KCNN3: variants seen among roughly 807,000 people sequenced by gnomAD.
KCNN3 encodes potassium calcium-activated channel subfamily N member 3, also known as small conductance calcium-activated potassium channel protein 3.
In KCNN3, 16 loss-of-function variants were observed where a neutral mutation model predicts 62.9. The ratio of observed to expected loss-of-function variants is 0.25; its 90% CI spans 0.17 to 0.39. KCNN3 has a LOEUF of 0.39. Among genes scored for constraint, KCNN3 ranks in the 10% least tolerant of loss-of-function variants. The probability of loss-of-function intolerance (pLI) is 1.00; values close to 1 mark genes in which losing one functional copy is unlikely to be tolerated. For missense variants in KCNN3, 599 were observed against 949.4 expected, an observed-to-expected ratio of 0.63 and a Z score of 4.85; for synonymous variants, 370 against 389.2, an observed-to-expected ratio of 0.95 and a Z score of 0.58.
chr1:154,850,354 C>G (rs1232137789), intron 1 of KCNN3, among the ~76,000 whole-genome samples: 1 of 152,236 alleles, frequency 6.6e-6, no homozygotes, highest in East Asian at 1.9e-4. Context: ...AGGCCCATGT[C>G]CAGCAGGCCT....
At chr1:154,817,950 C>A (rs1368760324) in intron 2 of KCNN3, among the ~76,000 whole-genome samples, 3 of 152,010 alleles carry the variant, frequency 2.0e-5, no homozygotes, top group Admixed American at 2.0e-4. Context: ...CCAGGGGCTG[C>A]CGGTGGCATG....
Position 154,869,818 on chromosome 1 carries a change from TGCTGGTGGC to T in KCNN3, c.138_146del (p.Pro47_Ala49del). ...AGGGTCCCAGGGGCTGCTGGGGGGC[TGCTGGTGGC>T]GCTGGCGGTGGTGGCTGCTGCTGCT... On this transcript the variant is annotated inframe_deletion, in exon 1 of 8. Coordinates refer to ENST00000271915, the MANE Select transcript of KCNN3 (RefSeq NM_002249.6). The surrounding 1 kb of genome is among the most constrained non-coding windows in gnomAD (Gnocchi z 6.1). The T allele has an allele frequency of 6.4e-7, 1 of 1,560,044 alleles. No homozygotes were observed. Among genetic ancestry groups the T allele is most frequent in the East Asian group, 2.4e-5 (1 of 41,446 alleles).
intron 1 of KCNN3, among the ~76,000 whole-genome samples, chr1:154,844,613 T>C (rs1323801963): frequency 6.6e-6 from 1 of 152,244 alleles, no homozygotes; most frequent in African/African-American, 2.4e-5. Flanking sequence ...ATCGCTTTTT[T>C]ATATTTTACA....
intron 5 of KCNN3, among the ~76,000 whole-genome samples, chr1:154,721,612 T>C (rs530107688): frequency 6.6e-6 from 1 of 152,156 alleles, no homozygotes; most frequent in African/African-American, 2.4e-5. Context: ...ACTCTACCTC[T>C]TATAAGAAGA....
chr1:154,727,171 C>A (rs765948937), intron 4 of KCNN3, among the ~76,000 whole-genome samples: 1 of 152,166 alleles, frequency 6.6e-6, no homozygotes, highest in Non-Finnish European at 1.5e-5. Context: ...CTGTGCCCTG[C>A]GCCGCCCTGA....
chr1:154,797,653 C>T (rs1330340796), intron 2 of KCNN3, among the ~76,000 whole-genome samples: 1 of 152,190 alleles, frequency 6.6e-6, no homozygotes, highest in African/African-American at 2.4e-5. Flanking sequence ...CATATCTGTC[C>T]TGTTCATTAG....
chr1:154,847,394 G>C (rs1373351289), intron 1 of KCNN3, among the ~76,000 whole-genome samples: 1 of 152,316 alleles, frequency 6.6e-6, no homozygotes, highest in African/African-American at 2.4e-5. Flanking sequence ...ATGCCATCAC[G>C]GAGGAAGGCA....
intron 2 of KCNN3, among the ~76,000 whole-genome samples, chr1:154,798,234 A>G (rs951967068): frequency 6.6e-6 from 1 of 152,206 alleles, no homozygotes; most frequent in South Asian, 2.1e-4. Context: ...CCTGGTTTGA[A>G]CAAACAGGAA....
chr1:154,711,071 T>C (rs1390978112), intron 7 of KCNN3, among the ~76,000 whole-genome samples: 5 of 152,078 alleles, frequency 3.3e-5, no homozygotes, highest in African/African-American at 4.8e-5. Context: ...CTATTCACAA[T>C]AGCAAAGACT....
intron 3 of KCNN3, among the ~76,000 whole-genome samples, chr1:154,749,798 G>A (rs1439414889): frequency 6.6e-6 from 1 of 152,164 alleles, no homozygotes; most frequent in Non-Finnish European, 1.5e-5. Context: ...GGGGCCTGAG[G>A]ACAGGGATAT....
chr1:154,789,412 G>C (rs942764858), intron 2 of KCNN3, among the ~76,000 whole-genome samples: 1 of 151,616 alleles, frequency 6.6e-6, no homozygotes, highest in African/African-American at 2.4e-5. Context: ...TTTTGGCAGG[G>C]TGGTGGTCGG....
At chr1:154,779,182 C>A (rs556727012) in intron 2 of KCNN3, among the ~76,000 whole-genome samples, 3 of 152,080 alleles carry the variant, frequency 2.0e-5, no homozygotes, top group Admixed American at 6.6e-5. Flanking sequence ...AATGACTGAC[C>A]CACAGAAACG....
chr1:154,738,650 G>A (rs577557480), intron 3 of KCNN3, among the ~76,000 whole-genome samples: 1 of 152,220 alleles, frequency 6.6e-6, no homozygotes, highest in Non-Finnish European at 1.5e-5. Context: ...CAGGTCAAGA[G>A]GCTCTGGGAG....
At chr1:154,745,476 G>T (rs1485819913) in intron 3 of KCNN3, among the ~76,000 whole-genome samples, 2 of 152,232 alleles carry the variant, frequency 1.3e-5, no homozygotes, top group Non-Finnish European at 2.9e-5. Context: ...GGGACAGCTG[G>T]CTGGTGTCAC....
chr1:154,761,152 T>TAA (rs11455309), intron 3 of KCNN3, among the ~76,000 whole-genome samples: 24 of 152,210 alleles, frequency 1.6e-4, no homozygotes, highest in African/African-American at 3.9e-4. Flanking sequence ...TAAAAAGTAA[T>TAA]AAAAAATCAC....
chr1:154,843,259 C>A (rs1294511227), intron 1 of KCNN3, among the ~76,000 whole-genome samples: 1 of 152,104 alleles, frequency 6.6e-6, no homozygotes, highest in Non-Finnish European at 1.5e-5. Context: ...TCCATCCACC[C>A]TGCAGAACAG....
chr1:154,793,660 C>T (rs1487324918), intron 2 of KCNN3, among the ~76,000 whole-genome samples: 1 of 152,294 alleles, frequency 6.6e-6, no homozygotes, highest in South Asian at 2.1e-4. Flanking sequence ...TGTTACCCAA[C>T]TGTTGTGGGG....
intron 3 of KCNN3, among the ~76,000 whole-genome samples, chr1:154,767,598 C>T (rs1279625642): frequency 2.0e-5 from 3 of 152,190 alleles, no homozygotes; most frequent in East Asian, 1.9e-4. Flanking sequence ...AGTGAGGACC[C>T]GGGGCCTCAG....
rs1003377217 is a variant in KCNN3, at chr1:154,809,256, G to C, written c.1029+12833C>G. The stretch of plus-strand genomic sequence containing the variant: ...GCCAAGCCCCAGCACCAGCAGCCAC[G>C]CTTTCATTTCACAGACTGTGAGTAA... On this transcript the variant is annotated intron_variant, in intron 2 of 7. Transcript: ENST00000271915. This position sits in a 1 kb window ranked among gnomAD's most constrained non-coding sequence, Gnocchi z 4.3. Among the ~76,000 whole-genome samples the C allele has an allele frequency of 6.6e-6, 1 of 152,184 alleles. No homozygotes were observed. Among genetic ancestry groups the C allele is most frequent in the African/African-American group, 2.4e-5 (1 of 41,434 alleles).
Sources: gnomAD v4.1 joint callset for allele counts (sites outside exome capture counted in the v4.1 genomes callset) on GRCh38, gnomAD v4.1.1 for gene constraint, Gnocchi (gnomAD v3.1) non-coding constraint, MANE v1.5 for transcripts, NCBI Gene and HGNC (gene_info 2026-07-23, HGNC 2026-07-21) for gene names.